CCDC146: variants seen among roughly 807,000 people sequenced by gnomAD.
CCDC146 encodes the protein coiled-coil domain-containing protein 146.
A neutral mutation model predicts 119.3 loss-of-function variants in CCDC146; 92 were observed. The ratio of observed to expected loss-of-function variants is 0.77; its 90% CI spans 0.65 to 0.92. CCDC146 has a LOEUF of 0.92. Among genes scored for constraint, CCDC146 ranks in the 40% least tolerant of loss-of-function variants. CCDC146 has a pLI of 0.00. For synonymous variants in CCDC146, 372 were observed against 371.8 expected, an observed-to-expected ratio of 1.00 and a Z score of -0.01; for missense variants, 1,000 against 1,103.0, an observed-to-expected ratio of 0.91 and a Z score of 1.32.
At chr7:77,256,541 G>A (rs1793182109) in intron 6 of CCDC146, 32 bp downstream of exon 6, 1 of 1,557,292 alleles carries the variant, frequency 6.4e-7, no homozygotes, top group African/African-American at 1.4e-5. Context: ...TTTAAACATT[G>A]TGCCTTGCAT....
intron 1 of CCDC146, among the ~76,000 whole-genome samples, chr7:77,133,890 T>C (rs1483428714): frequency 4.0e-5 from 6 of 151,874 alleles, no homozygotes; most frequent in Non-Finnish European, 8.8e-5. Flanking sequence ...TGAGTAAAAT[T>C]AATGACAGCA....
intron 11 of CCDC146, among the ~76,000 whole-genome samples, chr7:77,275,688 C>A (rs775883637): frequency 2.6e-5 from 4 of 152,090 alleles, no homozygotes; most frequent in Non-Finnish European, 5.9e-5. Flanking sequence ...TGCCAGATAC[C>A]CTTAGTTGCT....
rs578236164 is a variant in CCDC146 at position 77,272,951 on chromosome 7, T to C, written c.1174-743T>C. Among the ~76,000 whole-genome samples the C allele has an allele frequency of 1.4e-4, 21 of 152,372 alleles. No individual in the cohort carries two copies. In the South Asian group the frequency reaches 4.3e-3, roughly 32 times the overall value. ...AAATGACTATATATAAGTAGCAAAC[T>C]ATCCCCACTATTATTAATAAATTAC... On this transcript the variant is annotated intron_variant, in intron 9 of 18. Coordinates refer to ENST00000285871, the MANE Select transcript of CCDC146 (RefSeq NM_020879.3).
intron 2 of CCDC146, among the ~76,000 whole-genome samples, chr7:77,208,595 G>A (rs1792121956): frequency 6.6e-6 from 1 of 152,244 alleles, no homozygotes; most frequent in Admixed American, 6.5e-5. Context: ...CTACTGCTAT[G>A]TTAGATATAT....
chr7:77,173,002 T>C (rs965799047), intron 2 of CCDC146, among the ~76,000 whole-genome samples: 1 of 151,880 alleles, frequency 6.6e-6, no homozygotes, highest in African/African-American at 2.4e-5. Context: ...CTAATCAGCA[T>C]AAAATATTTT....
rs2150484061 is a variant in CCDC146, at chr7:77,237,864, T to C, written c.239+835T>C. On this transcript the variant is annotated intron_variant, in intron 3 of 18. Transcript: ENST00000285871. ...TGTGATTCTTTACCACTCCCAAGCC[T>C]CTTTCTTTCCTTCCCCCACCTCTTG... Among the ~76,000 whole-genome samples the C allele has an allele frequency of 1.3e-5, 2 of 152,248 alleles. 1 individual carries two copies. The highest frequency in any genetic ancestry group is 4.1e-4 in the South Asian group (2 of 4,824).
intron 2 of CCDC146, among the ~76,000 whole-genome samples, chr7:77,209,733 G>A (rs1188679955): frequency 6.6e-6 from 1 of 152,238 alleles, no homozygotes. Flanking sequence ...GCTAGGCAGA[G>A]GCTCCAAAAC....
At chr7:77,125,984 C>T (rs866652704) in intron 1 of CCDC146, among the ~76,000 whole-genome samples, 8 of 152,058 alleles carry the variant, frequency 5.3e-5, no homozygotes, top group South Asian at 2.1e-4. Context: ...TGTTATTGCA[C>T]TGGCTAAGAC....
At chr7:77,142,730 T>G (rs201637197) in intron 1 of CCDC146, among the ~76,000 whole-genome samples, 1 of 151,688 alleles carries the variant, frequency 6.6e-6, no homozygotes, top group Non-Finnish European at 1.5e-5. Context: ...CATGTCCCTA[T>G]GAAGGACATG....
intron 1 of CCDC146, among the ~76,000 whole-genome samples, chr7:77,131,925 A>G (rs1331999043): frequency 1.3e-5 from 2 of 152,252 alleles, no homozygotes; most frequent in Non-Finnish European, 2.9e-5. Flanking sequence ...ACTGCATGAA[A>G]GAATTTACTT....
intron 2 of CCDC146, among the ~76,000 whole-genome samples, chr7:77,176,075 A>G (rs1259029103): frequency 1.3e-5 from 2 of 151,220 alleles, no homozygotes; most frequent in Admixed American, 1.3e-4. Context: ...CACAGGGTCC[A>G]CTATGAATCT....
At chr7:77,191,439 T>C (rs189555309) in intron 2 of CCDC146, among the ~76,000 whole-genome samples, 21 of 152,328 alleles carry the variant, frequency 1.4e-4, no homozygotes, top group Admixed American at 1.0e-3. Context: ...TTAATCACTT[T>C]GAATAACAAT....
At chr7:77,127,361 C>T (rs1315603478) in intron 1 of CCDC146, among the ~76,000 whole-genome samples, 2 of 152,090 alleles carry the variant, frequency 1.3e-5, no homozygotes, top group African/African-American at 4.8e-5. Flanking sequence ...GTAGCACCGT[C>T]CAGGAGGGTG....
In CCDC146 at chr7:77,273,779, T is replaced by C. The variant is rs1446586543; in HGVS notation, c.1259T>C (p.Leu420Ser). Residue 420 changes from leucine (L) to serine (S), a missense_variant, in exon 10 of 19, where the codon TTG (leucine) becomes TCG (serine). Leu to Ser is a moderately radical substitution (Grantham distance 145, BLOSUM62 -2). Around this residue, in one of 2 missense-constraint regions of CCDC146, gnomAD observed 985 missense variants for 1,045.3 expected, o/e 0.94. Coordinates refer to ENST00000285871, the MANE Select transcript of CCDC146 (RefSeq NM_020879.3). ...HKEVEVAKRNLAQQKIISEME... is the reference protein window; with the variant it reads ...HKEVEVAKRNSAQQKIISEME... The stretch of plus-strand genomic sequence containing the variant: ...GAAGTTGAAGTAGCTAAGAGGAATT[T>C]GGCCCAACAGGTTAATATCAATGCT... 1.2e-6 allele frequency: 2 copies of C among 1,608,136 alleles called. No individual in the cohort carries two copies. Among genetic ancestry groups the C allele is most frequent in the African/African-American group, 1.3e-5 (1 of 74,884 alleles).
At chr7:77,186,654 G>T (rs1791672145) in intron 2 of CCDC146, among the ~76,000 whole-genome samples, 2 of 152,030 alleles carry the variant, frequency 1.3e-5, no homozygotes, top group Non-Finnish European at 2.9e-5. Context: ...AAGGATAAAT[G>T]CTTGAGGGGA....
intron 9 of CCDC146, among the ~76,000 whole-genome samples, chr7:77,263,034 C>T (rs1793331541): frequency 6.6e-6 from 1 of 152,188 alleles, no homozygotes. Context: ...GTATAGAAAC[C>T]TTCCCCGTTC....
intron 2 of CCDC146, among the ~76,000 whole-genome samples, chr7:77,211,559 G>A (rs1276360436): frequency 6.6e-6 from 1 of 151,808 alleles, no homozygotes; most frequent in Admixed American, 6.6e-5. Context: ...ACCAAGAAAT[G>A]GAATTGCTTT....
intron 1 of CCDC146, among the ~76,000 whole-genome samples, chr7:77,157,488 AATG>A (rs1791195611): frequency 6.6e-6 from 1 of 152,090 alleles, no homozygotes; most frequent in Non-Finnish European, 1.5e-5. Flanking sequence ...ATCAAAACAA[AATG>A]ATGATCACCT....
intron 2 of CCDC146, among the ~76,000 whole-genome samples, chr7:77,180,806 C>T (rs941715278): frequency 1.3e-5 from 2 of 152,192 alleles, no homozygotes; most frequent in Admixed American, 6.5e-5. Flanking sequence ...TGCCAAGGCA[C>T]TCTTTATAGA....
Sources: gnomAD v4.1 joint callset for allele counts (sites outside exome capture counted in the v4.1 genomes callset) on GRCh38, gnomAD v4.1.1 for gene constraint, gnomAD v4.1.1 regional missense constraint, MANE v1.5 for transcripts, NCBI Gene and HGNC (gene_info 2026-07-23, HGNC 2026-07-21) for gene names.